The following DIAPH3 variants were observed in gnomAD, a reference collection of about 807,000 sequenced individuals.
DIAPH3 encodes the protein protein diaphanous homolog 3.
In DIAPH3, 117 loss-of-function variants were observed where a neutral mutation model predicts 144.3. The observed-to-expected ratio is 0.81, with a 90% CI of 0.70 to 0.95. DIAPH3 has a LOEUF of 0.95. Among genes scored for constraint, DIAPH3 ranks in the 40% least tolerant of loss-of-function variants. The pLI is 0.00. For synonymous variants in DIAPH3, 519 were observed against 488.9 expected, an observed-to-expected ratio of 1.06 and a Z score of -0.81; for missense variants, 1,421 against 1,412.7, an observed-to-expected ratio of 1.01 and a Z score of -0.09.
chr13:59,943,648 T>TAAGATGTG (rs1316409406), intron 17 of DIAPH3, among the ~76,000 whole-genome samples: 1 of 152,136 alleles, frequency 6.6e-6, no homozygotes, highest in East Asian at 1.9e-4. Context: ...ATTGGAACAA[T>TAAGATGTG]AAGATGTGAA....
At chr13:60,153,850 G>T (rs7993481) in intron 1 of DIAPH3, among the ~76,000 whole-genome samples, 5,574 of 152,068 alleles carry the variant, frequency 0.037, 138 homozygotes, top group East Asian at 0.066. Context: ...AGTATCACAA[G>T]AATTTTTTTT....
At chr13:59,834,670 A>T (rs1378312300) in intron 23 of DIAPH3, among the ~76,000 whole-genome samples, 1 of 151,766 alleles carries the variant, frequency 6.6e-6, no homozygotes, top group East Asian at 1.9e-4. Flanking sequence ...TCTAAAAGAA[A>T]ATGCAAATGT....
intron 17 of DIAPH3, among the ~76,000 whole-genome samples, chr13:59,965,539 TAAAAA>T (rs34273562): frequency 7.6e-5 from 11 of 145,312 alleles, no homozygotes; most frequent in Admixed American, 6.8e-5. Flanking sequence ...TCCAATCTGG[TAAAAA>T]AAAAAAAAAA....
At chr13:59,935,552 T>C (rs2048222873) in intron 17 of DIAPH3, among the ~76,000 whole-genome samples, 2 of 152,046 alleles carry the variant, frequency 1.3e-5, no homozygotes, top group South Asian at 2.1e-4. Context: ...ACAGAATACA[T>C]AGGAAAAAAA....
intron 12 of DIAPH3, 150 bp downstream of exon 12, chr13:59,991,008 T>C (rs921835482): frequency 3.3e-6 from 2 of 602,890 alleles, no homozygotes; most frequent in Non-Finnish European, 5.9e-6. Flanking sequence ...TCTACCTAAA[T>C]ATATGCCCAG....
intron 2 of DIAPH3, among the ~76,000 whole-genome samples, chr13:60,119,519 G>C (rs1040440044): frequency 6.6e-6 from 1 of 151,748 alleles, no homozygotes; most frequent in Non-Finnish European, 1.5e-5. Context: ...AGGCCGAGGC[G>C]GGTGGATCAC....
intron 22 of DIAPH3, among the ~76,000 whole-genome samples, chr13:59,850,071 T>C (rs1204801754): frequency 6.7e-6 from 1 of 148,742 alleles, no homozygotes; most frequent in East Asian, 2.0e-4. Context: ...TTTTATTCTC[T>C]TTGAAGCAAT....
chr13:60,042,972 A>T (rs3736470), intron 4 of DIAPH3, 152 bp from the exon 5 acceptor site: 1 of 803,230 alleles, frequency 1.2e-6, no homozygotes, highest in Admixed American at 2.2e-5. Flanking sequence ...CTTCTGCCCA[A>T]AAATCTATGA....
intron 27 of DIAPH3, among the ~76,000 whole-genome samples, chr13:59,716,321 G>A (rs917230789): frequency 5.9e-5 from 9 of 152,114 alleles, no homozygotes; most frequent in South Asian, 4.2e-4. Context: ...GAATACAGGC[G>A]CCCGCCACCA....
intron 20 of DIAPH3, among the ~76,000 whole-genome samples, chr13:59,881,717 T>C (rs771477039): frequency 6.6e-6 from 1 of 152,050 alleles, no homozygotes; most frequent in South Asian, 2.1e-4. Flanking sequence ...AAGTCTATGA[T>C]GTAATGCAGA....
intron 5 of DIAPH3, among the ~76,000 whole-genome samples, chr13:60,039,046 C>T (rs1019821874): frequency 6.6e-6 from 1 of 151,126 alleles, no homozygotes; most frequent in South Asian, 2.1e-4. Context: ...AAACTGTCAC[C>T]GAGAATACTA....
At chr13:59,822,820 T>C (rs1168267216) in intron 24 of DIAPH3, among the ~76,000 whole-genome samples, 1 of 152,178 alleles carries the variant, frequency 6.6e-6, no homozygotes, top group African/African-American at 2.4e-5. Context: ...TATCTCTCTG[T>C]TTCCTCTTGT....
chr13:59,957,428 A>G (rs1283290826), intron 17 of DIAPH3, among the ~76,000 whole-genome samples: 1 of 152,214 alleles, frequency 6.6e-6, no homozygotes, highest in Non-Finnish European at 1.5e-5. Context: ...CCACCATGTA[A>G]GATGGGCTTT....
At chr13:59,757,689 C>T (rs113793992) in intron 27 of DIAPH3, among the ~76,000 whole-genome samples, 2,844 of 152,110 alleles carry the variant, frequency 0.019, 39 homozygotes, top group Non-Finnish European at 0.027. Flanking sequence ...CGTGAGCCAC[C>T]GCGCCCGGCC....
intron 3 of DIAPH3, among the ~76,000 whole-genome samples, chr13:60,103,046 C>T (rs2058316974): frequency 1.3e-5 from 2 of 152,046 alleles, no homozygotes; most frequent in Admixed American, 1.3e-4. Flanking sequence ...TTCCCACACA[C>T]CAGCAAATTG....
At chr13:59,816,725 T>TAA (rs1280408242) in intron 24 of DIAPH3, among the ~76,000 whole-genome samples, 1 of 151,860 alleles carries the variant, frequency 6.6e-6, no homozygotes, top group East Asian at 1.9e-4. Context: ...TATTGATACA[T>TAA]AATACATGTA....
rs1438107442 is a variant in DIAPH3, at chr13:60,042,807, C to T, written c.509G>A (p.Arg170Lys). Residue 170 changes from arginine (R) to lysine (K), a missense_variant, in exon 5 of 28, where the codon AGA (arginine) becomes AAA (lysine). Arg to Lys is a conservative substitution (Grantham distance 26, BLOSUM62 2). Transcript: ENST00000400324. Reference sequence around the variant, plus strand: ...TTCCTGAGGTGAGATCTGTCGGCTTCTCTTAAGACTTCCCTATAAAATAAG... The same window carrying T: ...TTCCTGAGGTGAGATCTGTCGGCTTTTCTTAAGACTTCCCTATAAAATAAG... The part of the protein sequence containing the change: ...NTASKTGSLK[R>K]SRQISPQEFI... 6.2e-7 allele frequency: 1 copy of T among 1,613,448 alleles called. No individual in the cohort carries two copies. The highest frequency in any genetic ancestry group is 1.7e-5 in the Admixed American group (1 of 59,988).
intron 5 of DIAPH3, among the ~76,000 whole-genome samples, chr13:60,029,366 C>T (rs1246791926): frequency 5.9e-5 from 9 of 152,120 alleles, no homozygotes; most frequent in Admixed American, 5.9e-4. Context: ...TTCTTGTCCA[C>T]TCTCTCCTCC....
intron 12 of DIAPH3, among the ~76,000 whole-genome samples, chr13:59,986,769 T>A (rs1184866435): frequency 2.7e-5 from 4 of 149,708 alleles, no homozygotes; most frequent in East Asian, 2.0e-4. Context: ...TCAAAACCAC[T>A]ATGAGATATC....
Sources: gnomAD v4.1 joint callset for allele counts (sites outside exome capture counted in the v4.1 genomes callset) on GRCh38, gnomAD v4.1.1 for gene constraint, MANE v1.5 for transcripts, NCBI Gene and HGNC (gene_info 2026-07-23, HGNC 2026-07-21) for gene names.